SLC8A3: variants seen among roughly 807,000 people sequenced by gnomAD.
The protein encoded by SLC8A3 is solute carrier family 8 member A3.
A neutral mutation model predicts 65.4 loss-of-function variants in SLC8A3; 37 were observed. The observed-to-expected ratio is 0.57, with a 90% CI of 0.44 to 0.74. The LOEUF (loss-of-function observed/expected upper bound fraction) is 0.74, where lower values mean the gene tolerates loss of function less well. SLC8A3 is among the 30% of genes least tolerant of loss of function. The probability of loss-of-function intolerance (pLI) is 0.00; values close to 1 mark genes in which losing one functional copy is unlikely to be tolerated. For synonymous variants in SLC8A3, 461 were observed against 444.5 expected (o/e 1.04, Z -0.47); for missense variants, 1,112 against 1,172.1 (o/e 0.95, Z 0.75).
In SLC8A3 at chr14:70,046,327, G is replaced by A. The variant is rs763274316; in HGVS notation, c.2390-4C>T. The A allele has an allele frequency of 3.1e-6, 5 of 1,599,782 alleles. No individual in the cohort carries two copies. In the Admixed American group the frequency reaches 8.5e-5, roughly 27 times the overall value. ...GCAGCTTTGCTGGCAAACGTATCTGGAAAAGGACAAAGACACATGGGAACT... is the reference window on the plus strand; with the variant it reads ...GCAGCTTTGCTGGCAAACGTATCTGAAAAAGGACAAAGACACATGGGAACT... On this transcript the variant is annotated splice_region_variant and splice_polypyrimidine_tract_variant and intron_variant, in intron 6 of 6. Coordinates refer to ENST00000356921, the MANE Select transcript of SLC8A3 (RefSeq NM_182932.3). This position sits in a 1 kb window ranked among gnomAD's most constrained non-coding sequence, Gnocchi z 4.2.
At chr14:70,185,817 C>A (rs1883162212) in intron 1 of SLC8A3, among the ~76,000 whole-genome samples, 1 of 152,190 alleles carries the variant, frequency 6.6e-6, no homozygotes, top group Non-Finnish European at 1.5e-5. Context: ...CTTTAAATTA[C>A]TTCAAAAATA....
At chr14:70,120,388 G>A (rs1893973786) in intron 2 of SLC8A3, among the ~76,000 whole-genome samples, 1 of 152,188 alleles carries the variant, frequency 6.6e-6, no homozygotes, top group African/African-American at 2.4e-5. Context: ...GGAAAGGTGT[G>A]CATTTGCCCA....
At position 70,138,635 on chromosome 14, in the gene SLC8A3, A is replaced by G. The variant is rs963653064; in HGVS notation, c.1784+28004T>C. ...ACAACCACCTTTTCTCTTGGTCTCC[A>G]TACTTGAAGTTATTCCAACCATGTG... On this transcript the variant is annotated intron_variant, in intron 2 of 6. Coordinates refer to ENST00000356921, the MANE Select transcript of SLC8A3 (RefSeq NM_182932.3). Among the ~76,000 whole-genome samples, 5 of 152,232 alleles carry G rather than the reference A, an allele frequency of 3.3e-5. No individual in the cohort carries two copies. In the East Asian group the frequency reaches 5.8e-4, roughly 18 times the overall value.
At chr14:70,098,543 T>G (rs1489908317) in intron 2 of SLC8A3, among the ~76,000 whole-genome samples, 1 of 152,170 alleles carries the variant, frequency 6.6e-6, no homozygotes, top group African/African-American at 2.4e-5. Context: ...AGGTGTTGGT[T>G]AGATGGGGGC....
chr14:70,104,246 A>T (rs8013345), intron 2 of SLC8A3, among the ~76,000 whole-genome samples: 36,267 of 151,984 alleles, frequency 0.24, 4,704 homozygotes, highest in Admixed American at 0.29. Flanking sequence ...CTTAGGATAT[A>T]GACAATCTAA....
intron 2 of SLC8A3, among the ~76,000 whole-genome samples, chr14:70,157,088 T>A (rs576208108): frequency 6.6e-6 from 1 of 152,310 alleles, no homozygotes; most frequent in African/African-American, 2.4e-5. Context: ...CTGCAGAGTC[T>A]ATAGTGAGCT....
intron 2 of SLC8A3, among the ~76,000 whole-genome samples, chr14:70,101,308 C>T (rs1288354723): frequency 6.6e-6 from 1 of 152,032 alleles, no homozygotes; most frequent in East Asian, 1.9e-4. Flanking sequence ...AATGGCCATC[C>T]TTAGGAAATG....
At chr14:70,074,452 A>G (rs12436004) in intron 2 of SLC8A3, among the ~76,000 whole-genome samples, 6,026 of 152,298 alleles carry the variant, frequency 0.04, 420 homozygotes, top group East Asian at 0.37. Context: ...TGCTAATGTG[A>G]CAATCTAGCC....
chr14:70,061,641 G>A (rs2139832403), intron 2 of SLC8A3, among the ~76,000 whole-genome samples: 1 of 152,316 alleles, frequency 6.6e-6, no homozygotes, highest in South Asian at 2.1e-4. Flanking sequence ...TAGGGCTTCA[G>A]TGGTGGGAAC....
intron 2 of SLC8A3, among the ~76,000 whole-genome samples, chr14:70,151,600 G>C (rs935370078): frequency 1.3e-5 from 2 of 152,198 alleles, no homozygotes; most frequent in Non-Finnish European, 2.9e-5. Context: ...TGGAATGCTG[G>C]AGTAGGCATT....
chr14:70,083,536 C>T (rs1742908352), intron 2 of SLC8A3, among the ~76,000 whole-genome samples: 1 of 152,238 alleles, frequency 6.6e-6, no homozygotes, highest in African/African-American at 2.4e-5. Context: ...GGTCAGCAGA[C>T]AATTGACTGT....
chr14:70,052,934 T>TGG (rs1887669565), intron 3 of SLC8A3, among the ~76,000 whole-genome samples: 1 of 152,214 alleles, frequency 6.6e-6, no homozygotes, highest in Non-Finnish European at 1.5e-5. Context: ...TGTCTCTAGC[T>TGG]GGGGAATTGG....
At chr14:70,144,531 G>A (rs1464279030) in intron 2 of SLC8A3, among the ~76,000 whole-genome samples, 4 of 151,240 alleles carry the variant, frequency 2.6e-5, no homozygotes, top group Non-Finnish European at 5.9e-5. Context: ...TCAGGAGGCC[G>A]AGGCAGGAGA....
In SLC8A3 at chr14:70,171,434, A is replaced by G. The variant is rs1440196122; in HGVS notation, c.-62-2950T>C. ...GTTTTTCTGGGCAATGTGCTATCAT[A>G]TGATCAGAATCAGAGGCCAGTTTAA... On this transcript the variant is annotated intron_variant, in intron 1 of 6. Coordinates refer to ENST00000356921, the MANE Select transcript of SLC8A3 (RefSeq NM_182932.3). Among the ~76,000 whole-genome samples, 2 of 152,218 alleles carry G rather than the reference A, an allele frequency of 1.3e-5. 1 individual carries two copies. Among genetic ancestry groups the G allele is most frequent in the Non-Finnish European group, 2.9e-5 (2 of 68,048 alleles).
chr14:70,119,119 G>A (rs1217463276), intron 2 of SLC8A3, among the ~76,000 whole-genome samples: 8 of 152,048 alleles, frequency 5.3e-5, no homozygotes, highest in Admixed American at 5.2e-4. Context: ...GGGGGATTGG[G>A]GGAATGGTGT....
At chr14:70,103,444 A>T (rs1210234198) in intron 2 of SLC8A3, among the ~76,000 whole-genome samples, 2 of 152,074 alleles carry the variant, frequency 1.3e-5, no homozygotes, top group African/African-American at 4.8e-5. Context: ...ATTTGGAAAA[A>T]GATTATAACA....
chr14:70,079,461 C>T (rs1229894351), intron 2 of SLC8A3, among the ~76,000 whole-genome samples: 1 of 151,946 alleles, frequency 6.6e-6, no homozygotes, highest in Non-Finnish European at 1.5e-5. Flanking sequence ...TGAGATGGTG[C>T]CACTGCACTC....
intron 2 of SLC8A3, among the ~76,000 whole-genome samples, chr14:70,156,086 T>A (rs772459506): frequency 6.6e-6 from 1 of 152,158 alleles, no homozygotes; most frequent in Admixed American, 6.5e-5. Context: ...GGGCAGACCA[T>A]GAAAAAGGCC....
chr14:70,147,888 G>A (rs1484558800), intron 2 of SLC8A3, among the ~76,000 whole-genome samples: 5 of 152,200 alleles, frequency 3.3e-5, no homozygotes, highest in African/African-American at 1.2e-4. Context: ...AATATGCATT[G>A]TCAAGCTCTA....
Sources: allele counts gnomAD v4.1 joint callset (sites outside exome capture counted in the v4.1 genomes callset), GRCh38; gene constraint gnomAD v4.1.1; non-coding constraint Gnocchi (gnomAD v3.1); transcripts MANE v1.5; gene names NCBI Gene and HGNC (gene_info 2026-07-23, HGNC 2026-07-21).